The following WASHC2A variants were observed in gnomAD, a reference collection of about 807,000 sequenced individuals.
WASHC2A encodes the protein WASH complex subunit 2A, also known as WASH complex subunit FAM21A.
Under a neutral mutation model 140.3 loss-of-function variants are expected in WASHC2A, and 82 were observed. The observed-to-expected ratio is 0.58, with a 90% CI of 0.49 to 0.70. The LOEUF (loss-of-function observed/expected upper bound fraction) is 0.70. WASHC2A is among the 30% of genes least tolerant of loss of function. The pLI, the probability that WASHC2A is intolerant of heterozygous loss-of-function variation, is 0.00. For synonymous variants in WASHC2A, 340 were observed against 560.8 expected (o/e 0.61, Z 5.56); for missense variants, 985 against 1,521.8 (o/e 0.65, Z 5.87).
chr10:50,091,822 C>CTGAA, intron 10 of WASHC2A, among the ~76,000 whole-genome samples: 1 of 152,248 alleles, frequency 6.6e-6, no homozygotes, highest in East Asian at 1.9e-4. Flanking sequence ...GAATTCCTGG[C>CTGAA]TGAATATTTA....
intron 12 of WASHC2A, 147 bp from the exon 13 acceptor site, chr10:50,093,713 A>G: frequency 1.9e-6 from 1 of 536,458 alleles, no homozygotes; most frequent in Non-Finnish European, 3.3e-6. Context: ...ATTTTGCCAT[A>G]GTTATCACTT....
At chr10:50,072,481 C>CT (rs11440968) in intron 3 of WASHC2A, among the ~76,000 whole-genome samples, 33,154 of 89,986 alleles carry the variant, frequency 0.37, 8,763 homozygotes, top group Non-Finnish European at 0.45. Flanking sequence ...AGTGATCTGG[C>CT]TTTTTTTTTT....
chr10:50,076,991 C>T (rs1564747511), intron 3 of WASHC2A, among the ~76,000 whole-genome samples: 1 of 151,870 alleles, frequency 6.6e-6, no homozygotes, highest in South Asian at 2.1e-4. Context: ...GTGGCAGGCA[C>T]CTGTAGTCCC....
chr10:50,087,136 C>G (rs1839455512), intron 7 of WASHC2A, 139 bp from the exon 8 acceptor site: 21 of 1,091,544 alleles, frequency 1.9e-5, no homozygotes, highest in Non-Finnish European at 2.5e-5. Context: ...GACCAGTAGT[C>G]AGTACAAAGA....
At chr10:50,103,804 G>T (rs1410416594) in intron 17 of WASHC2A, among the ~76,000 whole-genome samples, 1 of 152,070 alleles carries the variant, frequency 6.6e-6, no homozygotes, top group Non-Finnish European at 1.5e-5. Context: ...AGAAGCCCCT[G>T]GGCTCTGCGA....
intron 8 of WASHC2A, among the ~76,000 whole-genome samples, chr10:50,088,862 G>T (rs1200857061): frequency 8.4e-6 from 1 of 119,362 alleles, no homozygotes; most frequent in Non-Finnish European, 1.7e-5. Context: ...AAATGTGGTT[G>T]ATCTCTATAA....
intron 23 of WASHC2A, among the ~76,000 whole-genome samples, chr10:50,121,919 G>A (rs1554893563): frequency 4.9e-5 from 7 of 141,568 alleles, no homozygotes; most frequent in Admixed American, 7.2e-5. Flanking sequence ...TATTGGTAAG[G>A]TGGCAATACT....
chr10:50,086,595 C>A (rs1361602622), intron 7 of WASHC2A, among the ~76,000 whole-genome samples: 3 of 115,136 alleles, frequency 2.6e-5, no homozygotes, highest in African/African-American at 1.0e-4. Context: ...TCCCTCCCCC[C>A]TCCCCCCACC....
intron 24 of WASHC2A, 54 bp from the exon 25 acceptor site, chr10:50,125,315 T>C (rs1843340811): frequency 6.3e-7 from 1 of 1,594,240 alleles, no homozygotes; most frequent in African/African-American, 1.4e-5. Flanking sequence ...CACCTAGTTC[T>C]CTTTGTAAAT....
Position 50,069,635 on chromosome 10 carries a change from C to T in WASHC2A, c.215C>T (p.Thr72Ile), listed in dbSNP as rs1837616762. The change falls in exon 3 of 31, where the codon ACC (threonine) becomes ATC (isoleucine). Residue 72 changes from threonine to isoleucine, a missense_variant. Thr to Ile is a moderately conservative substitution (Grantham distance 89). Coordinates refer to ENST00000282633, the MANE Select transcript of WASHC2A (RefSeq NM_001005751.3). Reference protein sequence around the residue: ...KKQVDGLIRETKATDCRLHNV... With the variant: ...KKQVDGLIREIKATDCRLHNV... ...CAAGTGGACGGACTAATTCGGGAAA[C>T]CAAAGCCACAGATTGTCGCCTGCAT... is the stretch of plus-strand genomic sequence containing the variant. 6.2e-7 allele frequency: 1 copy of T among 1,613,986 alleles called. No homozygotes were observed. The highest frequency in any genetic ancestry group is 8.5e-7 in the Non-Finnish European group (1 of 1,179,870).
Position 50,131,097 on chromosome 10 carries a change from A to C in WASHC2A, c.3886+19A>C. The C allele has an allele frequency of 3.1e-6, 5 of 1,611,982 alleles. No homozygotes were observed. ...GATATGGGTAAGTTTGGTTTTCTAC[A>C]TCTGACCTAGAGAATTCTTACCTTT... On this transcript the variant is annotated intron_variant, in intron 30 of 30. Transcript: ENST00000282633.
chr10:50,112,103 A>G, intron 20 of WASHC2A: 1 of 985,060 alleles, frequency 1.0e-6, no homozygotes, highest in Non-Finnish European at 1.2e-6. Flanking sequence ...TCATGGCTCC[A>G]CCTTCATACC....
Position 50,133,475 on chromosome 10 carries a change from T to C in WASHC2A, c.*530T>C. On this transcript the variant is annotated 3_prime_UTR_variant, in exon 31 of 31. Transcript: ENST00000282633. Reference sequence around the variant, plus strand: ...AAACTGTGGCCCCCCCACTGTCATATTTTGTTAATAAAATTTTATTGGAAC... The same window carrying C: ...AAACTGTGGCCCCCCCACTGTCATACTTTGTTAATAAAATTTTATTGGAAC... 2.1e-6 allele frequency: 1 copy of C among 469,476 alleles called. No individual in the cohort carries two copies. The highest frequency in any genetic ancestry group is 4.4e-6 in the Non-Finnish European group (1 of 227,228). The allele number at this position is 469,476 out of a possible 1,614,324, so 29.1% of individuals were successfully genotyped here.
chr10:50,128,537 C>A lies in WASHC2A; in HGVS notation c.3087+742C>A, dbSNP rs879181933. Among the ~76,000 whole-genome samples the A allele has an allele frequency of 3.3e-5, 5 of 152,346 alleles. 2 individuals are homozygous for A. In the Middle Eastern group the frequency reaches 0.017, roughly 518 times the overall value. ...TTCTCTAGAAAGCTTTAGCTGATTT[C>A]CAAGTAAGCGACAGGACACAGAATG... On this transcript the variant is annotated intron_variant, in intron 28 of 30. Transcript: ENST00000282633.
intron 14 of WASHC2A, 38 bp downstream of exon 14, chr10:50,095,245 A>C (rs1840357934): frequency 1.4e-6 from 2 of 1,465,552 alleles, no homozygotes; most frequent in African/African-American, 2.8e-5. Context: ...AAACTACACA[A>C]ATACTGTTTT....
At chr10:50,126,660 C>A (rs2669773) in intron 26 of WASHC2A, among the ~76,000 whole-genome samples, 1 of 152,138 alleles carries the variant, frequency 6.6e-6, no homozygotes, top group African/African-American at 2.4e-5. Context: ...AGAGCGAGTG[C>A]CAGTTCCACG....
chr10:50,130,913 G>A lies in WASHC2A; in HGVS notation c.3721G>A (p.Ala1241Thr), dbSNP rs1480292596. Residue 1241 changes from alanine (A) to threonine (T), a missense_variant, in exon 30 of 31, where the codon GCT becomes ACT. Coordinates refer to ENST00000282633, the MANE Select transcript of WASHC2A (RefSeq NM_001005751.3). Reference sequence around the variant, plus strand: ...TTGGCTTAACAAGGATGATATATTTGCTACGGAAGCAATTAAACCCTCTCA... The same window carrying A: ...TTGGCTTAACAAGGATGATATATTTACTACGGAAGCAATTAAACCCTCTCA... ...TQDIFEDDIF[A>T]TEAIKPSQKT... 2 of 1,601,582 alleles carry A rather than the reference G, an allele frequency of 1.2e-6. No homozygotes were observed. Among genetic ancestry groups the A allele is most frequent in the African/African-American group, 1.3e-5 (1 of 74,308 alleles).
At chr10:50,081,695 C>T (rs1470099448) in intron 5 of WASHC2A, among the ~76,000 whole-genome samples, 1 of 151,506 alleles carries the variant, frequency 6.6e-6, no homozygotes, top group Non-Finnish European at 1.5e-5. Flanking sequence ...GTGCATGGCA[C>T]GATGTTGGCT....
chr10:50,132,665 G>A, intron 30 of WASHC2A, 141 bp from the exon 31 acceptor site: 1 of 1,383,264 alleles, frequency 7.2e-7, no homozygotes, highest in South Asian at 1.2e-5. Context: ...CAGAATCTAA[G>A]AGGCTTGAGT....
Sources: allele counts gnomAD v4.1 joint callset (sites outside exome capture counted in the v4.1 genomes callset), GRCh38; gene constraint gnomAD v4.1.1; transcripts MANE v1.5; gene names NCBI Gene and HGNC (gene_info 2026-07-23, HGNC 2026-07-21).